The following SLC4A10 variants were observed in gnomAD, a reference collection of about 807,000 sequenced individuals.
SLC4A10 encodes the protein sodium-driven chloride bicarbonate exchanger.
A neutral mutation model predicts 137.7 loss-of-function variants in SLC4A10; 42 were observed. The observed-to-expected ratio is 0.30, with a 90% CI of 0.24 to 0.39. SLC4A10 has a LOEUF of 0.39. Ranked by LOEUF, SLC4A10 falls within the 10% of genes least tolerant of loss-of-function variation. The pLI, the probability that SLC4A10 is intolerant of heterozygous loss-of-function variation, is 1.00. For synonymous variants in SLC4A10, 474 were observed against 464.1 expected (o/e 1.02, Z -0.27); for missense variants, 925 against 1,355.0 (o/e 0.68, Z 4.98).
rs553956360 is a variant in SLC4A10 at position 161,806,407 on chromosome 2, C to A, written c.277+1812C>A. On this transcript the variant is annotated intron_variant, in intron 3 of 26. Transcript: ENST00000446997. ...ATTTCTCCTCAGAAAATGGAATTTT[C>A]TTTTCTATTGCACTGTCAGGCTGCA... Among the ~76,000 whole-genome samples, 25 of 152,220 alleles carry A rather than the reference C, an allele frequency of 1.6e-4. No homozygotes were observed. The South Asian group carries it at 5.2e-3, about 32-fold the overall frequency.
chr2:161,872,445 A>G (rs1031201861), intron 7 of SLC4A10, 61 bp downstream of exon 7: 1 of 1,289,982 alleles, frequency 7.8e-7, no homozygotes, highest in African/African-American at 1.5e-5. Context: ...ATTACTACCC[A>G]TTTTAAGAGG....
chr2:161,649,636 A>T (rs189251523), intron 1 of SLC4A10, among the ~76,000 whole-genome samples: 1 of 150,158 alleles, frequency 6.7e-6, no homozygotes, highest in African/African-American at 2.4e-5. Context: ...TTGCCTGTTT[A>T]TTTGTGGAGT....
intron 1 of SLC4A10, among the ~76,000 whole-genome samples, chr2:161,768,263 T>C (rs1473540079): frequency 6.6e-6 from 1 of 152,018 alleles, no homozygotes; most frequent in Non-Finnish European, 1.5e-5. Flanking sequence ...CAGAACCTCA[T>C]TGACTACCTG....
intron 19 of SLC4A10, 48 bp downstream of exon 19, chr2:161,950,896 T>A: frequency 1.4e-6 from 2 of 1,431,942 alleles, no homozygotes; most frequent in Non-Finnish European, 9.5e-7. Flanking sequence ...ACAACTGATA[T>A]CAACTGATGT....
rs770073010 is a variant in SLC4A10 at position 161,804,500 on chromosome 2, G to C, written c.182G>C (p.Ser61Thr). The change falls in exon 3 of 27, where the codon AGC becomes ACC. Residue 61 changes from serine (S) to threonine (T), a missense_variant. Physicochemically the swap from Ser to Thr is moderately conservative, Grantham distance 58 (BLOSUM62 1). Around this residue, in one of 11 missense-constraint regions of SLC4A10, gnomAD observed 138 missense variants for 171.3 expected, o/e 0.81. Coordinates refer to ENST00000446997, the MANE Select transcript of SLC4A10 (RefSeq NM_001178015.2). ...CATGTGCCCTTGGGAGGAAGAAAAA[G>C]CCATCGACGTCACAGGCATCGTGGT... ...GVHVPLGGRK[S>T]HRRHRHRGHK... 7.3e-5 allele frequency: 117 copies of C among 1,613,104 alleles called. No individual in the cohort carries two copies. Among genetic ancestry groups the C allele is most frequent in the Non-Finnish European group, 9.7e-5 (114 of 1,179,458 alleles).
chr2:161,681,556 T>G (rs2040852554), intron 1 of SLC4A10, among the ~76,000 whole-genome samples: 1 of 152,156 alleles, frequency 6.6e-6, no homozygotes. Flanking sequence ...CTTAGTAACT[T>G]TGCCCTTGTA....
chr2:161,883,050 C>CAAAAAT (rs1038834216), intron 10 of SLC4A10, among the ~76,000 whole-genome samples: 1 of 151,984 alleles, frequency 6.6e-6, no homozygotes, highest in African/African-American at 2.4e-5. Context: ...GTGTATGTCT[C>CAAAAAT]AAAAATATAA....
chr2:161,778,956 T>A (rs1156472637), intron 2 of SLC4A10, among the ~76,000 whole-genome samples: 1 of 151,948 alleles, frequency 6.6e-6, no homozygotes, highest in Non-Finnish European at 1.5e-5. Flanking sequence ...TTGTTTTGTG[T>A]TGCTATAACA....
At chr2:161,776,712 AAGTGGGAAT>A in intron 2 of SLC4A10, among the ~76,000 whole-genome samples, 1 of 151,862 alleles carries the variant, frequency 6.6e-6, no homozygotes, top group East Asian at 1.9e-4. Flanking sequence ...ATATACCCAG[AAGTGGGAAT>A]AGTGGATCAT....
At chr2:161,648,918 GA>G (rs2036433123) in intron 1 of SLC4A10, among the ~76,000 whole-genome samples, 1 of 151,956 alleles carries the variant, frequency 6.6e-6, no homozygotes, top group Non-Finnish European at 1.5e-5. Flanking sequence ...ATACCTCAGT[GA>G]AAAACTTATG....
intron 3 of SLC4A10, among the ~76,000 whole-genome samples, chr2:161,813,879 C>T (rs1274299428): frequency 6.6e-6 from 1 of 152,064 alleles, no homozygotes; most frequent in Non-Finnish European, 1.5e-5. Flanking sequence ...CGTGCTAATG[C>T]TCAACCCGTA....
chr2:161,633,439 T>C (rs1333842881), intron 1 of SLC4A10, among the ~76,000 whole-genome samples: 1 of 151,708 alleles, frequency 6.6e-6, no homozygotes, highest in Non-Finnish European at 1.5e-5. Context: ...AGTTTGGACA[T>C]TGGAGTTGGA....
At chr2:161,642,302 A>G (rs1030188092) in intron 1 of SLC4A10, among the ~76,000 whole-genome samples, 3 of 152,002 alleles carry the variant, frequency 2.0e-5, no homozygotes, top group Admixed American at 6.5e-5. Flanking sequence ...AACTTTTGGC[A>G]TTAGAATCAG....
chr2:161,673,843 A>T (rs1414087415), intron 1 of SLC4A10, among the ~76,000 whole-genome samples: 1 of 152,084 alleles, frequency 6.6e-6, no homozygotes, highest in Non-Finnish European at 1.5e-5. Context: ...TACAAAAATT[A>T]GCTGGGTGTG....
chr2:161,690,608 T>C (rs185769507), intron 1 of SLC4A10, among the ~76,000 whole-genome samples: 154 of 152,212 alleles, frequency 1.0e-3, no homozygotes, highest in African/African-American at 3.4e-3. Flanking sequence ...GAATACTATA[T>C]AGCCATAAAA....
chr2:161,959,386 G>T (rs993480714), intron 21 of SLC4A10, among the ~76,000 whole-genome samples: 2 of 152,194 alleles, frequency 1.3e-5, no homozygotes, highest in African/African-American at 4.8e-5. Context: ...GTCCCATGTG[G>T]TCACTGTCAG....
At chr2:161,779,963 G>C (rs1014498276) in intron 2 of SLC4A10, among the ~76,000 whole-genome samples, 1 of 152,002 alleles carries the variant, frequency 6.6e-6, no homozygotes, top group African/African-American at 2.4e-5. Flanking sequence ...GAGTTGAGTA[G>C]TTGTGACAAA....
chr2:161,763,563 G>A (rs999004291), intron 1 of SLC4A10, among the ~76,000 whole-genome samples: 3 of 152,096 alleles, frequency 2.0e-5, no homozygotes, highest in African/African-American at 7.2e-5. Context: ...ATGAGGTGTG[G>A]GAGCAGTTAA....
At chr2:161,830,464 A>C (rs1235373920) in intron 3 of SLC4A10, among the ~76,000 whole-genome samples, 3 of 151,466 alleles carry the variant, frequency 2.0e-5, no homozygotes, top group Admixed American at 6.6e-5. Flanking sequence ...CTCTTAAGGT[A>C]GTTGTGAGGT....
Sources: allele counts gnomAD v4.1 joint callset (sites outside exome capture counted in the v4.1 genomes callset), GRCh38; gene constraint gnomAD v4.1.1; regional missense constraint gnomAD v4.1.1; transcripts MANE v1.5; gene names NCBI Gene and HGNC (gene_info 2026-07-23, HGNC 2026-07-21).